CEP43: variants seen among roughly 807,000 people sequenced by gnomAD.
CEP43 encodes the protein FGFR1 oncogene partner.
CEP43 carries 36 observed loss-of-function variants against 52.6 expected under a neutral mutation model. The observed-to-expected ratio is 0.68, with a 90% confidence interval of 0.52 to 0.90. CEP43 has a LOEUF of 0.90. CEP43 is among the 40% of genes least tolerant of loss of function. The probability of loss-of-function intolerance (pLI) is 0.00; values close to 1 mark genes in which losing one functional copy is unlikely to be tolerated. For missense variants in CEP43, 506 were observed against 472.8 expected (o/e 1.07, Z -0.65); for synonymous variants, 192 against 172.4 (o/e 1.11, Z -0.89).
chr6:167,038,702 G>A (rs1391117064), intron 12 of CEP43, among the ~76,000 whole-genome samples: 1 of 152,192 alleles, frequency 6.6e-6, no homozygotes, highest in Admixed American at 6.5e-5. Context: ...TAGTAGACAT[G>A]ATTTTAGGCA....
rs1674873523 is a variant in CEP43 at position 167,043,733 on chromosome 6, G to T, written c.*3755G>T. 1 of 152,150 alleles carries T rather than the reference G, an allele frequency of 6.6e-6. No homozygotes were observed. 9.4% of individuals were successfully genotyped at this position (152,150 alleles called of 1,614,324 possible). A position where few individuals can be genotyped will look rare whatever the true frequency, so the allele number is the denominator to read the frequency against. ...GTGTTTGGGGAGGAAATCCAGGGCA[G>T]CTACCTTTGTGAGTTGTCCTAATGC... is the stretch of plus-strand genomic sequence containing the variant. On this transcript the variant is annotated 3_prime_UTR_variant, in exon 13 of 13. Transcript: ENST00000366847.
At position 167,000,075 on chromosome 6, in the gene CEP43, G is replaced by A. The variant is rs1261895602; in HGVS notation, c.118G>A (p.Ala40Thr). Reference protein sequence around the residue: ...LNRIKAELRAAVFLALEEQEK... With the variant: ...LNRIKAELRATVFLALEEQEK... The stretch of plus-strand genomic sequence containing the variant: ...TTTTTTTAAGGCTGAACTCCGAGCA[G>A]CTGTGTTTTTAGCACTAGAGGAGCA... The change falls in exon 2 of 13, where the codon GCT becomes ACT. Residue 40 changes from alanine (A) to threonine (T), a missense_variant. Transcript: ENST00000366847. 7 of 1,612,808 alleles carry A rather than the reference G, an allele frequency of 4.3e-6. No individual in the cohort carries two copies. In the African/African-American group the frequency reaches 6.7e-5, roughly 15 times the overall value.
At chr6:167,038,336 A>G (rs1024541564) in intron 12 of CEP43, among the ~76,000 whole-genome samples, 2 of 152,320 alleles carry the variant, frequency 1.3e-5, no homozygotes, top group Admixed American at 1.3e-4. Flanking sequence ...TTCAGGTGGC[A>G]CAGTGTTAAA....
In CEP43 at chr6:167,045,364, C is replaced by CCT. The variant is rs1554277476; in HGVS notation, c.*5387_*5388insTC. The CCT allele has an allele frequency of 6.6e-6, 1 of 151,370 alleles. No homozygotes were observed. Among genetic ancestry groups the CCT allele is most frequent in the Non-Finnish European group, 1.5e-5 (1 of 67,826 alleles). 9.4% of individuals were successfully genotyped at this position (151,370 alleles called of 1,614,324 possible). A position where few individuals can be genotyped will look rare whatever the true frequency, so the allele number is the denominator to read the frequency against. ...GGTGATCCGCACCCCTCCCCGCCCC[C>CCT]CCCGCGGCCCAGCCTCCCAAAGTGC... is the stretch of plus-strand genomic sequence containing the variant. On this transcript the variant is annotated 3_prime_UTR_variant, in exon 13 of 13. Coordinates refer to ENST00000366847, the MANE Select transcript of CEP43 (RefSeq NM_007045.4).
Position 167,051,352 on chromosome 6 carries a change from G to C in CEP43, c.*11374G>C, listed in dbSNP as rs1382350116. 6.6e-6 allele frequency: 1 copy of C among 152,112 alleles called. No homozygotes were observed. The highest frequency in any genetic ancestry group is 1.9e-4 in the East Asian group (1 of 5,198). 9.4% of individuals were successfully genotyped at this position (152,112 alleles called of 1,614,324 possible). ...GTTTTACAAAGGCAGTTTAATTTTG[G>C]GGGGCAGGGCTATTATCATCTAAAC... On this transcript the variant is annotated 3_prime_UTR_variant, in exon 13 of 13. Transcript: ENST00000366847.
chr6:166,999,858 C>T (rs1191368626), intron 1 of CEP43: 1 of 579,716 alleles, frequency 1.7e-6, no homozygotes. Flanking sequence ...GGGCATGATC[C>T]GCGGCGGGAA....
chr6:166,999,943 C>T (rs1583263216), intron 1 of CEP43, 117 bp from the exon 2 acceptor site: 1 of 822,644 alleles, frequency 1.2e-6, no homozygotes, highest in South Asian at 1.6e-5. Context: ...CGTTTCTGAC[C>T]TTTGCACCTG....
intron 9 of CEP43, chr6:167,025,265 C>T (rs1419526779): frequency 1.3e-5 from 2 of 155,984 alleles, no homozygotes; most frequent in African/African-American, 4.8e-5. Flanking sequence ...TTGGTGATAC[C>T]ACAGTAAGTA....
At chr6:167,032,450 G>GTCATTTT (rs1388342103) in intron 10 of CEP43, among the ~76,000 whole-genome samples, 153 bp from the exon 11 acceptor site, 1 of 152,082 alleles carries the variant, frequency 6.6e-6, no homozygotes, top group Non-Finnish European at 1.5e-5. Flanking sequence ...TTTGTCATTT[G>GTCATTTT]TCTTCATATT....
chr6:167,020,003 T>G (rs1391493282), intron 7 of CEP43, among the ~76,000 whole-genome samples: 1 of 152,254 alleles, frequency 6.6e-6, no homozygotes, highest in Non-Finnish European at 1.5e-5. Flanking sequence ...GTACATATGT[T>G]TAAATATCAC....
At chr6:167,022,289 C>CACACACACACAT (rs962565166) in intron 7 of CEP43, 120 bp from the exon 8 acceptor site, 11 of 664,540 alleles carry the variant, frequency 1.7e-5, no homozygotes, top group African/African-American at 1.2e-4. Context: ...CACACACACA[C>CACACACACACAT]ACACACAAAG....
In CEP43 at chr6:167,044,664, C is replaced by T. The variant is rs372335656; in HGVS notation, c.*4686C>T. On this transcript the variant is annotated 3_prime_UTR_variant, in exon 13 of 13. Transcript: ENST00000366847. ...TCTTGCTGCCCTTAGAAAATGAACC[C>T]CCGAACAAGGTAAGGTCGAGCTGGC... The T allele has an allele frequency of 1.9e-4, 123 of 638,614 alleles. 1 individual carries two copies. In the African/African-American group the frequency reaches 2.3e-3, roughly 12 times the overall value. The allele number at this position is 638,614 out of a possible 1,614,324, so 39.6% of individuals were successfully genotyped here.
rs73033038 is a variant in CEP43, at chr6:167,044,146, C to A, written c.*4168C>A. ...GACTTAAGCCATCTGAGCTGTGAGC[C>A]CTACACTTCCATTCTTTATAAATTA... On this transcript the variant is annotated 3_prime_UTR_variant, in exon 13 of 13. Coordinates refer to ENST00000366847, the MANE Select transcript of CEP43 (RefSeq NM_007045.4). 3,082 of 152,258 alleles carry A rather than the reference C, an allele frequency of 0.02. 52 individuals carry two copies. The highest frequency in any genetic ancestry group is 0.091 in the East Asian group (469 of 5,162). The allele number at this position is 152,258 out of a possible 1,614,324, so 9.4% of individuals were successfully genotyped here.
intron 10 of CEP43, among the ~76,000 whole-genome samples, 198 bp downstream of exon 10, chr6:167,026,813 C>T (rs558243045): frequency 1.3e-5 from 2 of 152,272 alleles, no homozygotes; most frequent in South Asian, 2.1e-4. Context: ...ATCATGTTCT[C>T]GTGAACCTCT....
intron 7 of CEP43, among the ~76,000 whole-genome samples, chr6:167,014,651 A>G (rs1780054894): frequency 6.6e-6 from 1 of 152,170 alleles, no homozygotes; most frequent in Non-Finnish European, 1.5e-5. Flanking sequence ...TAGTTCTAGG[A>G]GTTTCAAAGG....
chr6:167,040,447 T>G lies in CEP43; in HGVS notation c.*469T>G, dbSNP rs966166410. The G allele has an allele frequency of 8.2e-7, 1 of 1,218,802 alleles. No individual in the cohort carries two copies. Among genetic ancestry groups the G allele is most frequent in the African/African-American group, 1.5e-5 (1 of 65,704 alleles). The allele number at this position is 1,218,802 out of a possible 1,614,324, so 75.5% of individuals were successfully genotyped here. On this transcript the variant is annotated 3_prime_UTR_variant, in exon 13 of 13. Transcript: ENST00000366847. ...TTCTACACATAGTTGGCAAAATGACTTGGTAAATTTGTAATGCTGAAGTAT... is the reference window on the plus strand; with the variant it reads ...TTCTACACATAGTTGGCAAAATGACGTGGTAAATTTGTAATGCTGAAGTAT...
At chr6:167,013,795 G>A (rs1466129969) in intron 7 of CEP43, among the ~76,000 whole-genome samples, 1 of 152,200 alleles carries the variant, frequency 6.6e-6, no homozygotes, top group African/African-American at 2.4e-5. Flanking sequence ...CCAACATGGT[G>A]AAACCCCGCC....
At chr6:167,003,557 G>C in intron 3 of CEP43, 166 bp from the exon 4 acceptor site, 2 of 562,014 alleles carry the variant, frequency 3.6e-6, no homozygotes, top group South Asian at 2.6e-5. Context: ...AAAATCAGGA[G>C]ATTGAGATTT....
rs1478595846 is a variant in CEP43, at chr6:167,040,761, A to G, written c.*783A>G. On this transcript the variant is annotated 3_prime_UTR_variant, in exon 13 of 13. Transcript: ENST00000366847. ...ATTCCTTGAAACTTAAATGCATCTG[A>G]AACCATTAAGCAGTGCTTTTATTTC... 3 of 1,018,462 alleles carry G rather than the reference A, an allele frequency of 2.9e-6. No homozygotes were observed. Among genetic ancestry groups the G allele is most frequent in the Non-Finnish European group, 3.5e-6 (3 of 847,460 alleles). The allele number at this position is 1,018,462 out of a possible 1,614,324, so 63.1% of individuals were successfully genotyped here.
Sources: gnomAD v4.1 joint callset for allele counts (sites outside exome capture counted in the v4.1 genomes callset) on GRCh38, gnomAD v4.1.1 for gene constraint, MANE v1.5 for transcripts, NCBI Gene and HGNC (gene_info 2026-07-23, HGNC 2026-07-21) for gene names.